The following ULK2 variants were observed in gnomAD, a reference collection of about 807,000 sequenced individuals.
ULK2 encodes serine/threonine-protein kinase ULK2.
In ULK2, 76 loss-of-function variants were observed where a neutral mutation model predicts 127.5. The ratio of observed to expected loss-of-function variants is 0.60; its 90% CI spans 0.50 to 0.72. The LOEUF (loss-of-function observed/expected upper bound fraction) is 0.72. ULK2 is among the 30% of genes least tolerant of loss of function. The pLI is 0.00. For synonymous variants in ULK2, 452 were observed against 461.9 expected, an observed-to-expected ratio of 0.98 and a Z score of 0.28; for missense variants, 1,144 against 1,295.9, an observed-to-expected ratio of 0.88 and a Z score of 1.80.
chr17:19,808,310 C>T (rs778933630), intron 14 of ULK2, among the ~76,000 whole-genome samples: 4 of 151,980 alleles, frequency 2.6e-5, no homozygotes, highest in Non-Finnish European at 5.9e-5. Flanking sequence ...ACATTATACC[C>T]AAAACTATAA....
chr17:19,788,079 G>A (rs979610647), intron 20 of ULK2, among the ~76,000 whole-genome samples: 13 of 152,148 alleles, frequency 8.5e-5, no homozygotes, highest in African/African-American at 2.9e-4. Flanking sequence ...GTGAGTTTCT[G>A]CAAGCCTCAC....
intron 11 of ULK2, 70 bp downstream of exon 11, chr17:19,826,069 T>TA: frequency 1.2e-6 from 1 of 807,484 alleles, no homozygotes; most frequent in Non-Finnish European, 1.8e-6. Flanking sequence ...AATTTTGTAG[T>TA]AAAAATCATT....
chr17:19,836,119 AC>A (rs1381724280), intron 10 of ULK2, among the ~76,000 whole-genome samples: 7 of 150,858 alleles, frequency 4.6e-5, no homozygotes, highest in East Asian at 2.0e-4. Context: ...AAAAAAAAAA[AC>A]AAAAATTAGG....
chr17:19,808,633 C>T (rs1429270019), intron 14 of ULK2, among the ~76,000 whole-genome samples: 2 of 152,156 alleles, frequency 1.3e-5, no homozygotes, highest in Non-Finnish European at 2.9e-5. Context: ...CTGGACATTT[C>T]TCCAAAGATG....
At chr17:19,865,497 G>C (rs551205378) in intron 2 of ULK2, among the ~76,000 whole-genome samples, 2 of 152,246 alleles carry the variant, frequency 1.3e-5, no homozygotes, top group African/African-American at 4.8e-5. Flanking sequence ...ACAGTCACTA[G>C]GAAAAAGAGA....
intron 10 of ULK2, among the ~76,000 whole-genome samples, chr17:19,827,729 T>C (rs576902471): frequency 2.6e-5 from 4 of 152,162 alleles, no homozygotes; most frequent in Admixed American, 6.5e-5. Context: ...CTGACCAACA[T>C]GGAGAAACCC....
intron 17 of ULK2, among the ~76,000 whole-genome samples, chr17:19,798,191 CATAAG>C (rs1219418403): frequency 2.6e-4 from 39 of 151,582 alleles, no homozygotes; most frequent in African/African-American, 9.5e-4. Flanking sequence ...GAAAGAAGAT[CATAAG>C]ATAACAGACC....
In ULK2 at chr17:19,773,902, G is replaced by A. The variant is rs2086771055; in HGVS notation, c.*2447C>T. The A allele has an allele frequency of 6.6e-6, 1 of 152,270 alleles. No homozygotes were observed. Among genetic ancestry groups the A allele is most frequent in the African/African-American group, 2.4e-5 (1 of 41,464 alleles). 9.4% of individuals were successfully genotyped at this position (152,270 alleles called of 1,614,324 possible). Reference sequence around the variant, plus strand: ...TCCTATTCACCACTCCAGCGAGGGAGAACAACTGTTGCTCTAGTTACTTCT... The same window carrying A: ...TCCTATTCACCACTCCAGCGAGGGAAAACAACTGTTGCTCTAGTTACTTCT... On this transcript the variant is annotated 3_prime_UTR_variant, in exon 27 of 27. Transcript: ENST00000395544.
chr17:19,786,316 A>C (rs2087030803), intron 20 of ULK2, among the ~76,000 whole-genome samples: 1 of 152,158 alleles, frequency 6.6e-6, no homozygotes, highest in Non-Finnish European at 1.5e-5. Context: ...ACCAAAATTT[A>C]GCATTCAGAG....
rs185698769 is a variant in ULK2, at chr17:19,790,407, A to C, written c.2102-4321T>G. On this transcript the variant is annotated intron_variant, in intron 20 of 26. Coordinates refer to ENST00000395544, the MANE Select transcript of ULK2 (RefSeq NM_014683.4). ...ACTCCAGCCTGGGTGACAAGAGCGAAACTCCATCTCAAAAATAAAAAAATT... is the reference window on the plus strand; with the variant it reads ...ACTCCAGCCTGGGTGACAAGAGCGACACTCCATCTCAAAAATAAAAAAATT... 2.6e-5 allele frequency among the ~76,000 whole-genome samples: 4 copies of C among 152,308 alleles called. No individual in the cohort carries two copies. In the East Asian group the frequency reaches 7.7e-4, roughly 29 times the overall value.
rs910701429 is a variant in ULK2, at chr17:19,867,798, T to G, written c.-381A>C. 15 of 151,930 alleles carry G rather than the reference T, an allele frequency of 9.9e-5. No individual in the cohort carries two copies. The highest frequency in any genetic ancestry group is 3.6e-4 in the African/African-American group (15 of 41,304). 9.4% of individuals were successfully genotyped at this position (151,930 alleles called of 1,614,324 possible). A position where few individuals can be genotyped will look rare whatever the true frequency, so the allele number is the denominator to read the frequency against. ...CTCTCCATCCCCAGCTCGTCGGGCCTCCTCGGCCCTCCCCGCTCGGGGCGC... is the reference window on the plus strand; with the variant it reads ...CTCTCCATCCCCAGCTCGTCGGGCCGCCTCGGCCCTCCCCGCTCGGGGCGC... On this transcript the variant is annotated 5_prime_UTR_variant, in exon 1 of 27. Coordinates refer to ENST00000395544, the MANE Select transcript of ULK2 (RefSeq NM_014683.4).
intron 21 of ULK2, chr17:19,784,115 A>C (rs897337740): frequency 1.0e-4 from 42 of 400,866 alleles, no homozygotes; most frequent in African/African-American, 8.4e-4. Context: ...TTTATATTAG[A>C]CATCATCAGA....
chr17:19,832,720 T>C (rs1327693179), intron 10 of ULK2, among the ~76,000 whole-genome samples: 1 of 152,144 alleles, frequency 6.6e-6, no homozygotes, highest in Non-Finnish European at 1.5e-5. Context: ...GGCTTTACAA[T>C]TTTTTTAACT....
At chr17:19,864,870 A>T (rs1398763623) in intron 2 of ULK2, 26 bp from the exon 3 acceptor site, 1 of 1,127,194 alleles carries the variant, frequency 8.9e-7, no homozygotes, top group East Asian at 2.7e-5. Flanking sequence ...AGAATGAAAA[A>T]TATGTAAGTA....
At chr17:19,811,670 G>T (rs2087643878) in intron 13 of ULK2, among the ~76,000 whole-genome samples, 1 of 152,084 alleles carries the variant, frequency 6.6e-6, no homozygotes, top group Non-Finnish European at 1.5e-5. Flanking sequence ...TCGAACTCCT[G>T]ACCTCAAGTG....
At chr17:19,846,480 A>C (rs989276236) in intron 6 of ULK2, among the ~76,000 whole-genome samples, 2 of 151,956 alleles carry the variant, frequency 1.3e-5, no homozygotes, top group Non-Finnish European at 2.9e-5. Context: ...TCTCTACTAA[A>C]AATATAAAAT....
rs376693238 is a variant in ULK2 at position 19,855,272 on chromosome 17, C to T, written c.226-5498G>A. Among the ~76,000 whole-genome samples, 773 of 151,900 alleles carry T rather than the reference C, an allele frequency of 5.1e-3. 5 individuals carry two copies. The highest frequency in any genetic ancestry group is 0.018 in the African/African-American group (742 of 41,442). ...ACAAAAAATTAGCCAGGCATGGTGG[C>T]GGGCGCCTGTAGTCCCAGCTACGCG... On this transcript the variant is annotated intron_variant, in intron 3 of 26. Transcript: ENST00000395544.
At chr17:19,785,148 G>A (rs1419064192) in intron 21 of ULK2, among the ~76,000 whole-genome samples, 1 of 151,928 alleles carries the variant, frequency 6.6e-6, no homozygotes, top group Non-Finnish European at 1.5e-5. Context: ...CCTTCTAACT[G>A]TATATAGGAT....
At chr17:19,842,986 C>A in intron 8 of ULK2, 135 bp downstream of exon 8, 1 of 765,710 alleles carries the variant, frequency 1.3e-6, no homozygotes, top group South Asian at 1.6e-5. Flanking sequence ...GCAGTTTTTG[C>A]CTATAACAGA....
Sources: gnomAD v4.1 joint callset for allele counts (sites outside exome capture counted in the v4.1 genomes callset) on GRCh38, gnomAD v4.1.1 for gene constraint, MANE v1.5 for transcripts, NCBI Gene and HGNC (gene_info 2026-07-23, HGNC 2026-07-21) for gene names.